The following NOC3L variants were observed in gnomAD, a reference collection of about 807,000 sequenced individuals.
The protein encoded by NOC3L is NOC3 like DNA replication regulator.
Under a neutral mutation model 102.5 loss-of-function variants are expected in NOC3L, and 85 were observed. The observed-to-expected ratio is 0.83, with a 90% CI of 0.70 to 0.99. The LOEUF (loss-of-function observed/expected upper bound fraction) is 0.99. Ranked by LOEUF, NOC3L falls within the 50% of genes least tolerant of loss-of-function variation. The probability of loss-of-function intolerance (pLI) is 0.00; values close to 1 mark genes in which losing one functional copy is unlikely to be tolerated. For missense variants in NOC3L, 878 were observed against 914.9 expected (o/e 0.96, Z 0.52); for synonymous variants, 303 against 309.4 (o/e 0.98, Z 0.22).
intron 17 of NOC3L, 37 bp from the exon 18 acceptor site, chr10:94,338,773 A>G (rs2054249789): frequency 6.3e-7 from 1 of 1,589,924 alleles, no homozygotes; most frequent in Non-Finnish European, 8.6e-7. Flanking sequence ...TGGTTAAATT[A>G]ACATTGTTAA....
chr10:94,329,306 T>A (rs1210753921), downstream of NOC3L: 1 of 152,236 alleles, frequency 6.6e-6, no homozygotes, highest in Non-Finnish European at 1.5e-5. Context: ...GAAATATGTA[T>A]TCCTCTAAAA....
At chr10:94,343,855 T>C (rs2054313523) in intron 13 of NOC3L, among the ~76,000 whole-genome samples, 1 of 152,262 alleles carries the variant, frequency 6.6e-6, no homozygotes, top group Non-Finnish European at 1.5e-5. Context: ...TAGAAAATTT[T>C]AAATTATATA....
chr10:94,342,812 C>T (rs1239812389), intron 13 of NOC3L, among the ~76,000 whole-genome samples: 1 of 151,424 alleles, frequency 6.6e-6, no homozygotes, highest in Non-Finnish European at 1.5e-5. Context: ...AGGCCCGGTG[C>T]GATGGCTCAT....
downstream of NOC3L, chr10:94,330,707 A>AC (rs1261476228): frequency 3.9e-5 from 6 of 152,054 alleles, no homozygotes; most frequent in African/African-American, 1.4e-4. Flanking sequence ...AAAAAAAAAA[A>AC]AGTAAAGAGT....
Position 94,333,365 on chromosome 10 carries a change from A to T in NOC3L, c.*812T>A, listed in dbSNP as rs995468161. 5.3e-5 allele frequency: 8 copies of T among 152,174 alleles called. No individual in the cohort carries two copies. Among genetic ancestry groups the T allele is most frequent in the Admixed American group, 3.9e-4 (6 of 15,268 alleles). The allele number at this position is 152,174 out of a possible 1,614,324, so 9.4% of individuals were successfully genotyped here. A position where few individuals can be genotyped will look rare whatever the true frequency, so the allele number is the denominator to read the frequency against. ...TTACATAAAATACTGTTTTATAATT[A>T]TATTAATAAGAAAAAGCATTTTACC... is the stretch of plus-strand genomic sequence containing the variant. On this transcript the variant is annotated 3_prime_UTR_variant, in exon 21 of 21. Coordinates refer to ENST00000371361, the MANE Select transcript of NOC3L (RefSeq NM_022451.11).
chr10:94,321,822 C>A, the NOC3L span: 1 of 1,048,014 alleles, frequency 9.5e-7, no homozygotes, highest in Non-Finnish European at 1.5e-6. Context: ...AAGATACAAG[C>A]TCAGATTTTT....
intron 8 of NOC3L, 47 bp from the exon 9 acceptor site, chr10:94,350,335 A>G: frequency 1.3e-6 from 2 of 1,539,164 alleles, no homozygotes; most frequent in Non-Finnish European, 1.8e-6. Flanking sequence ...GTCAAAAGTT[A>G]AACTAATTGG....
intron 1 of NOC3L, 177 bp from the exon 2 acceptor site, chr10:94,362,049 C>G: frequency 1.5e-6 from 1 of 664,598 alleles, no homozygotes; most frequent in Non-Finnish European, 2.7e-6. Flanking sequence ...AAGAGCGCTA[C>G]AGCATCAGTT....
chr10:94,316,599 T>G, the NOC3L span: 1 of 1,608,942 alleles, frequency 6.2e-7, no homozygotes, highest in East Asian at 2.2e-5. Flanking sequence ...TATTTTTTGA[T>G]GGAAGAAAAA....
chr10:94,349,689 C>G (rs2054391275), intron 9 of NOC3L, among the ~76,000 whole-genome samples: 1 of 150,044 alleles, frequency 6.7e-6, no homozygotes, highest in East Asian at 2.0e-4. Context: ...ATTATTTTAC[C>G]AATAAATAAC....
chr10:94,334,806 C>A (rs1382624774), intron 19 of NOC3L, 88 bp from the exon 20 acceptor site: 2 of 933,544 alleles, frequency 2.1e-6, no homozygotes, highest in East Asian at 2.4e-5. Flanking sequence ...ATGATTCATT[C>A]TTAACCCATA....
the NOC3L span, chr10:94,316,421 A>G: frequency 1.5e-6 from 1 of 680,662 alleles, no homozygotes; most frequent in Non-Finnish European, 2.6e-6. Context: ...TTCCAAAAAG[A>G]ATTATGCAAT....
At chr10:94,349,568 C>T (rs7085378) in intron 9 of NOC3L, among the ~76,000 whole-genome samples, 190 bp from the exon 10 acceptor site, 4 of 151,782 alleles carry the variant, frequency 2.6e-5, no homozygotes, top group Non-Finnish European at 4.4e-5. Context: ...AAATGTATGC[C>T]GACATTGCCT....
chr10:94,319,764 A>G, the NOC3L span, among the ~76,000 whole-genome samples: 6 of 151,972 alleles, frequency 3.9e-5, no homozygotes, highest in East Asian at 1.9e-4. Flanking sequence ...AAAAAGGGAT[A>G]TAAGTGAGGG....
intron 8 of NOC3L, among the ~76,000 whole-genome samples, chr10:94,350,760 G>A (rs902966597): frequency 6.6e-6 from 1 of 151,024 alleles, no homozygotes. Flanking sequence ...ACTTCATAAT[G>A]GTTCGATCTG....
intron 14 of NOC3L, 40 bp downstream of exon 14, chr10:94,341,633 A>G (rs768462090): frequency 1.8e-6 from 2 of 1,084,538 alleles, no homozygotes; most frequent in Non-Finnish European, 2.6e-6. Context: ...AATAGTAATT[A>G]CCATTTATAT....
the NOC3L span, among the ~76,000 whole-genome samples, chr10:94,318,789 G>A: frequency 6.6e-6 from 1 of 152,194 alleles, no homozygotes; most frequent in Non-Finnish European, 1.5e-5. Flanking sequence ...AGCTGGGCAC[G>A]GTGGCTCACA....
chr10:94,321,963 G>C, the NOC3L span: 1 of 1,613,864 alleles, frequency 6.2e-7, no homozygotes, highest in Non-Finnish European at 8.5e-7. Flanking sequence ...CAGAGGAGGA[G>C]AGTTTCTTTG....
At chr10:94,342,118 T>C (rs760851784) in intron 13 of NOC3L, among the ~76,000 whole-genome samples, 1 of 152,200 alleles carries the variant, frequency 6.6e-6, no homozygotes, top group Non-Finnish European at 1.5e-5. Flanking sequence ...ATTCTGCTAC[T>C]TACAAGAATA....
Sources: gnomAD v4.1 joint callset for allele counts (sites outside exome capture counted in the v4.1 genomes callset) on GRCh38, gnomAD v4.1.1 for gene constraint, MANE v1.5 for transcripts, NCBI Gene and HGNC (gene_info 2026-07-23, HGNC 2026-07-21) for gene names.